NETO2: variants seen among roughly 807,000 people sequenced by gnomAD.
NETO2 encodes the protein neuropilin and tolloid-like protein 2.
Under a neutral mutation model 62.5 loss-of-function variants are expected in NETO2, and 28 were observed. The observed-to-expected ratio is 0.45, with a 90% CI of 0.33 to 0.61. The LOEUF is 0.61. Ranked by LOEUF, NETO2 falls within the 20% of genes least tolerant of loss-of-function variation. NETO2 has a pLI of 0.02. For missense variants in NETO2, 548 were observed against 643.2 expected (o/e 0.85, Z 1.60); for synonymous variants, 214 against 219.1 (o/e 0.98, Z 0.21).
intron 4 of NETO2, among the ~76,000 whole-genome samples, chr16:47,125,001 G>T (rs1033921959): frequency 6.6e-6 from 1 of 150,696 alleles, no homozygotes; most frequent in African/African-American, 2.5e-5. Context: ...AGAGCTACTT[G>T]ACTCCAAAGT....
At chr16:47,109,315 A>C (rs143583850) in intron 7 of NETO2, among the ~76,000 whole-genome samples, 168 bp downstream of exon 7, 1 of 152,128 alleles carries the variant, frequency 6.6e-6, no homozygotes, top group African/African-American at 2.4e-5. Context: ...AATTAAATAA[A>C]ATTTAAAATA....
At chr16:47,093,836 T>G (rs991996025) in intron 7 of NETO2, among the ~76,000 whole-genome samples, 1 of 152,254 alleles carries the variant, frequency 6.6e-6, no homozygotes, top group South Asian at 2.1e-4. Context: ...TCTGATATCT[T>G]ACTGTCACAC....
chr16:47,121,071 T>C (rs1159390969), intron 6 of NETO2, among the ~76,000 whole-genome samples: 1 of 152,202 alleles, frequency 6.6e-6, no homozygotes, highest in Non-Finnish European at 1.5e-5. Context: ...CGATACACTC[T>C]GGGTAATTTC....
chr16:47,109,393 TA>T (rs1963740651), intron 7 of NETO2, 89 bp downstream of exon 7: 1 of 719,588 alleles, frequency 1.4e-6, no homozygotes, highest in African/African-American at 1.8e-5. Context: ...CATCCTAAAA[TA>T]AATATTTTAA....
At chr16:47,124,119 GA>G (rs932777405) in intron 4 of NETO2, among the ~76,000 whole-genome samples, 1 of 151,776 alleles carries the variant, frequency 6.6e-6, no homozygotes, top group African/African-American at 2.4e-5. Flanking sequence ...TTAAAAAGTG[GA>G]AAAAAATTAT....
At chr16:47,116,405 T>C (rs937868844) in intron 6 of NETO2, among the ~76,000 whole-genome samples, 12 of 152,168 alleles carry the variant, frequency 7.9e-5, no homozygotes, top group African/African-American at 2.9e-4. Context: ...ACAATCATAG[T>C]TTTCTTTAGT....
intron 7 of NETO2, among the ~76,000 whole-genome samples, chr16:47,103,410 C>A (rs962370967): frequency 2.0e-5 from 3 of 152,060 alleles, no homozygotes; most frequent in Admixed American, 1.3e-4. Flanking sequence ...ATGTTCTGCA[C>A]ATGTATCCCA....
At chr16:47,094,304 G>T (rs984586259) in intron 7 of NETO2, among the ~76,000 whole-genome samples, 2 of 150,620 alleles carry the variant, frequency 1.3e-5, no homozygotes, top group Admixed American at 6.6e-5. Flanking sequence ...ATTGGCTGAG[G>T]AGTTTAAGGA....
At chr16:47,115,712 T>TAC (rs1450664091) in intron 6 of NETO2, among the ~76,000 whole-genome samples, 1 of 134,818 alleles carries the variant, frequency 7.4e-6, no homozygotes, top group Non-Finnish European at 1.5e-5. Flanking sequence ...TATATATATA[T>TAC]ACATATATAT....
chr16:47,135,527 T>C lies in NETO2; in HGVS notation c.35-3502A>G, dbSNP rs1033217328. 3.3e-5 allele frequency among the ~76,000 whole-genome samples: 5 copies of C among 152,188 alleles called. No individual in the cohort carries two copies. The East Asian group carries it at 9.6e-4, about 29-fold the overall frequency. Reference sequence around the variant, plus strand: ...CACCATTTATGATGTTACTCCTGGTTCTAGAGTTGAATTTAGTCTTATTTA... The same window carrying C: ...CACCATTTATGATGTTACTCCTGGTCCTAGAGTTGAATTTAGTCTTATTTA... On this transcript the variant is annotated intron_variant, in intron 1 of 8. Coordinates refer to ENST00000562435, the MANE Select transcript of NETO2 (RefSeq NM_018092.5).
chr16:47,112,164 C>T (rs1339198751), intron 6 of NETO2, among the ~76,000 whole-genome samples: 1 of 151,954 alleles, frequency 6.6e-6, no homozygotes, highest in Non-Finnish European at 1.5e-5. Flanking sequence ...GTGATCCTTC[C>T]GCCTCAGCCT....
At chr16:47,128,652 G>T in intron 3 of NETO2, 79 bp from the exon 4 acceptor site, 1 of 1,486,382 alleles carries the variant, frequency 6.7e-7, no homozygotes, top group Non-Finnish European at 9.1e-7. Context: ...GAGAAAAGCA[G>T]AATAACTGTT....
At position 47,122,689 on chromosome 16, in the gene NETO2, TGCA is replaced by T. The variant is rs781278802; in HGVS notation, c.619_621del (p.Cys207del). On this transcript the variant is annotated inframe_deletion, in exon 6 of 9. Transcript: ENST00000562435. ...TTTGGAGTGGCTTTAATGGTCCAGA[TGCA>T]ATCAACGGCTTGGCCTGGTTTTGTT... 7.4e-6 allele frequency: 12 copies of T among 1,614,170 alleles called. No individual in the cohort carries two copies. Among genetic ancestry groups the T allele is most frequent in the Non-Finnish European group, 9.3e-6 (11 of 1,180,016 alleles).
chr16:47,091,327 G>A (rs924642921), intron 7 of NETO2, among the ~76,000 whole-genome samples: 3 of 152,112 alleles, frequency 2.0e-5, no homozygotes, highest in Non-Finnish European at 4.4e-5. Context: ...CTTTTCACCT[G>A]TTTAATTATC....
chr16:47,114,418 A>T (rs1448787906), intron 6 of NETO2, among the ~76,000 whole-genome samples: 13 of 49,616 alleles, frequency 2.6e-4, no homozygotes, highest in South Asian at 5.1e-4. Context: ...AAGCTTTTTC[A>T]TTAGTCCAAT....
chr16:47,125,491 G>A (rs184528548), intron 4 of NETO2, among the ~76,000 whole-genome samples: 4 of 151,950 alleles, frequency 2.6e-5, no homozygotes, highest in East Asian at 1.9e-4. Flanking sequence ...GATTACAGAC[G>A]TGCACCACCA....
intron 2 of NETO2, among the ~76,000 whole-genome samples, chr16:47,129,964 G>A (rs184646900): frequency 6.6e-5 from 10 of 152,312 alleles, no homozygotes; most frequent in East Asian, 1.9e-4. Flanking sequence ...TTAAAAACAC[G>A]AGGCTAGTTA....
chr16:47,097,715 T>A (rs946050987), intron 7 of NETO2, among the ~76,000 whole-genome samples: 1 of 152,226 alleles, frequency 6.6e-6, no homozygotes, highest in African/African-American at 2.4e-5. Context: ...CTGATCCCCA[T>A]GCCTCCTGAC....
chr16:47,103,283 G>A (rs145843934), intron 7 of NETO2, among the ~76,000 whole-genome samples: 142 of 152,194 alleles, frequency 9.3e-4, no homozygotes, highest in African/African-American at 3.2e-3. Flanking sequence ...GTCACACACC[G>A]GGGCCTGTTG....
Sources: gnomAD v4.1 joint callset for allele counts (sites outside exome capture counted in the v4.1 genomes callset) on GRCh38, gnomAD v4.1.1 for gene constraint, MANE v1.5 for transcripts, NCBI Gene and HGNC (gene_info 2026-07-23, HGNC 2026-07-21) for gene names.